NBEA: variants seen among roughly 807,000 people sequenced by gnomAD.
The protein encoded by NBEA is lysosomal-trafficking regulator 2.
NBEA carries 44 observed loss-of-function variants against 343.4 expected under a neutral mutation model. The ratio of observed to expected loss-of-function variants is 0.13; its 90% CI spans 0.10 to 0.16. The LOEUF is 0.16. Among genes scored for constraint, NBEA ranks in the 10% least tolerant of loss-of-function variants. NBEA has a pLI of 1.00. For missense variants in NBEA, 2,555 were observed against 3,631.3 expected (o/e 0.70, Z 7.62); for synonymous variants, 1,175 against 1,238.7 (o/e 0.95, Z 1.08).
chr13:35,132,335 T>C lies in NBEA; in HGVS notation c.2336+8761T>C, dbSNP rs934381225. ...ACCATGCCCAGCTAATTTTTTTGTATATTTAGTGGAGATGGGGTTTCACTA... is the reference window on the plus strand; with the variant it reads ...ACCATGCCCAGCTAATTTTTTTGTACATTTAGTGGAGATGGGGTTTCACTA... On this transcript the variant is annotated intron_variant, in intron 17 of 58. Transcript: ENST00000379939. 2.9e-4 allele frequency among the ~76,000 whole-genome samples: 44 copies of C among 152,188 alleles called. 1 individual carries two copies. Among genetic ancestry groups the C allele is most frequent in the African/African-American group, 9.9e-4 (41 of 41,510 alleles).
chr13:35,645,070 T>C (rs1406196525), intron 49 of NBEA, among the ~76,000 whole-genome samples: 1 of 152,232 alleles, frequency 6.6e-6, no homozygotes, highest in Non-Finnish European at 1.5e-5. Context: ...TTGATAAACA[T>C]TTTCTTGAAA....
At position 35,123,447 on chromosome 13, in the gene NBEA, G is replaced by A. The variant is rs758211430; in HGVS notation, c.2244-35G>A. 8.9e-6 allele frequency: 11 copies of A among 1,242,506 alleles called. No homozygotes were observed. The South Asian group carries it at 2.2e-4, about 24-fold the overall frequency. The allele number at this position is 1,242,506 out of a possible 1,614,324, so 77.0% of individuals were successfully genotyped here. ...TAGTGTGTTTTTGTTTTTAATATTA[G>A]TAAGTTTTTAAAAGATAATTTATAT... On this transcript the variant is annotated intron_variant, in intron 16 of 58. Transcript: ENST00000379939.
At chr13:35,015,794 ACT>A (rs1161744885) in intron 1 of NBEA, among the ~76,000 whole-genome samples, 1 of 152,082 alleles carries the variant, frequency 6.6e-6, no homozygotes, top group African/African-American at 2.4e-5. Context: ...ATATAAAAAT[ACT>A]CTCTTCAGTG....
At chr13:35,534,311 C>G (rs941108371) in intron 41 of NBEA, among the ~76,000 whole-genome samples, 1 of 152,158 alleles carries the variant, frequency 6.6e-6, no homozygotes, top group Non-Finnish European at 1.5e-5. Context: ...GTCTGTTCTT[C>G]CTTCCCTCTT....
At chr13:35,510,918 T>A (rs967285637) in intron 41 of NBEA, among the ~76,000 whole-genome samples, 2 of 152,202 alleles carry the variant, frequency 1.3e-5, no homozygotes, top group African/African-American at 4.8e-5. Flanking sequence ...CATCATGCCA[T>A]CTTACCTGGA....
chr13:34,946,968 G>T (rs192504397), intron 1 of NBEA, among the ~76,000 whole-genome samples: 1 of 150,960 alleles, frequency 6.6e-6, no homozygotes, highest in South Asian at 2.1e-4. Flanking sequence ...CAAACAAGGT[G>T]TCTTCTGCAT....
chr13:35,158,635 T>A (rs911264624), intron 21 of NBEA, among the ~76,000 whole-genome samples: 4 of 152,136 alleles, frequency 2.6e-5, no homozygotes. Flanking sequence ...AAAACCAACA[T>A]AGTAATAGTA....
At chr13:35,562,708 A>C (rs1027965383) in intron 44 of NBEA, among the ~76,000 whole-genome samples, 1 of 152,092 alleles carries the variant, frequency 6.6e-6, no homozygotes, top group African/African-American at 2.4e-5. Context: ...AAAATCATTA[A>C]AAATTCTTTC....
intron 26 of NBEA, among the ~76,000 whole-genome samples, chr13:35,172,677 C>T (rs984623624): frequency 4.6e-5 from 7 of 152,114 alleles, no homozygotes; most frequent in African/African-American, 1.7e-4. Flanking sequence ...CTGTTCTAAG[C>T]ACTTTCTATA....
At chr13:35,154,324 A>G (rs79119643) in intron 18 of NBEA, among the ~76,000 whole-genome samples, 6,046 of 152,274 alleles carry the variant, frequency 0.04, 391 homozygotes, top group African/African-American at 0.13. Flanking sequence ...AGCTTCTACA[A>G]TATAGCTATG....
chr13:35,589,153 GTAGGTACA>G (rs1409495003), intron 46 of NBEA, among the ~76,000 whole-genome samples: 3 of 152,096 alleles, frequency 2.0e-5, no homozygotes, highest in Non-Finnish European at 4.4e-5. Context: ...CTAGTGCATG[GTAGGTACA>G]TAGGTTAATT....
chr13:35,523,980 G>T (rs1302307438), intron 41 of NBEA, among the ~76,000 whole-genome samples: 6 of 151,602 alleles, frequency 4.0e-5, no homozygotes, highest in Admixed American at 3.3e-4. Flanking sequence ...ACTTACATTG[G>T]CTTTCTATTT....
At chr13:35,459,740 G>A (rs936286721) in intron 40 of NBEA, among the ~76,000 whole-genome samples, 8 of 152,170 alleles carry the variant, frequency 5.3e-5, no homozygotes, top group African/African-American at 1.9e-4. Flanking sequence ...AAACAAAAAT[G>A]TAGAGCATGT....
Position 35,159,173 on chromosome 13 carries a change from G to T in NBEA, c.3002G>T (p.Arg1001Leu). 6.2e-7 allele frequency: 1 copy of T among 1,613,478 alleles called. No individual in the cohort carries two copies. Among genetic ancestry groups the T allele is most frequent in the Non-Finnish European group, 8.5e-7 (1 of 1,179,556 alleles). ...TTGAKGGMEI[R>L]EIEDLSQSQS... ...GGAGCAAAAGGTGGAATGGAAATTC[G>T]AGAGATAGAAGATCTTTCACAAAGC... Residue 1001 changes from arginine to leucine, a missense_variant, in exon 22 of 59, where the codon CGA (arginine) becomes CTA (leucine). This residue lies in a region of NBEA where 367 missense variants were observed against 377.5 expected (regional missense o/e 0.97). Transcript: ENST00000379939.
chr13:35,655,071 G>C, intron 54 of NBEA, 61 bp downstream of exon 54: 2 of 1,284,766 alleles, frequency 1.6e-6, no homozygotes, highest in Non-Finnish European at 2.0e-6. Context: ...AACCAAAGCT[G>C]AATATGAAAT....
intron 17 of NBEA, among the ~76,000 whole-genome samples, chr13:35,135,957 A>G (rs1272954406): frequency 1.3e-5 from 2 of 151,938 alleles, no homozygotes; most frequent in Non-Finnish European, 1.5e-5. Context: ...AACATTTTAC[A>G]AAGAATAAAC....
At chr13:35,201,524 A>G (rs2073021986) in intron 31 of NBEA, among the ~76,000 whole-genome samples, 2 of 152,006 alleles carry the variant, frequency 1.3e-5, no homozygotes, top group Non-Finnish European at 2.9e-5. Context: ...CTTTCAAGAT[A>G]CATATTTAAC....
intron 41 of NBEA, among the ~76,000 whole-genome samples, chr13:35,512,283 T>C (rs1344882990): frequency 6.6e-6 from 1 of 152,196 alleles, no homozygotes; most frequent in Non-Finnish European, 1.5e-5. Context: ...AAGGGTTCAT[T>C]CATTCCTAAA....
At chr13:35,179,573 CTT>C (rs1246663104) in intron 28 of NBEA, 1 of 154,166 alleles carries the variant, frequency 6.5e-6, no homozygotes, top group Non-Finnish European at 1.4e-5. Flanking sequence ...AAAGCTAACT[CTT>C]TTCATGCCAT....
Sources: gnomAD v4.1 joint callset for allele counts (sites outside exome capture counted in the v4.1 genomes callset) on GRCh38, gnomAD v4.1.1 for gene constraint, gnomAD v4.1.1 regional missense constraint, MANE v1.5 for transcripts, NCBI Gene and HGNC (gene_info 2026-07-23, HGNC 2026-07-21) for gene names.